SNTN: variants seen among roughly 807,000 people sequenced by gnomAD.
SNTN encodes the protein sentan, cilia apical structure protein, also known as sentan.
SNTN carries 13 observed loss-of-function variants against 12.3 expected under a neutral mutation model. The observed-to-expected ratio is 1.05, with a 90% CI of 0.69 to 1.67. SNTN has a LOEUF of 1.67. SNTN is among the 40% of genes most tolerant of loss of function. The probability of loss-of-function intolerance (pLI) is 0.00; values close to 1 mark genes in which losing one functional copy is unlikely to be tolerated. For missense variants in SNTN, 189 were observed against 169.8 expected (o/e 1.11, Z -0.63); for synonymous variants, 69 against 58.5 (o/e 1.18, Z -0.82).
chr3:63,663,523 G>A (rs1575752090), intron 3 of SNTN, among the ~76,000 whole-genome samples: 1 of 152,176 alleles, frequency 6.6e-6, no homozygotes, highest in Non-Finnish European at 1.5e-5. Flanking sequence ...CTTATGGGAG[G>A]TGTTTGAAGT....
intron 3 of SNTN, 123 bp downstream of exon 3, chr3:63,659,987 C>T (rs148298850): frequency 6.1e-6 from 7 of 1,152,662 alleles, no homozygotes; most frequent in Non-Finnish European, 8.7e-6. Flanking sequence ...TATTGAACAC[C>T]TACCTTATGC....
chr3:63,659,925 C>A, intron 3 of SNTN, 61 bp downstream of exon 3: 3 of 1,575,650 alleles, frequency 1.9e-6, no homozygotes, highest in Admixed American at 1.7e-5. Context: ...ACCCAATGAG[C>A]AAATAACTCC....
At chr3:63,653,602 A>G (rs1700644927) in intron 1 of SNTN, among the ~76,000 whole-genome samples, 3 of 152,208 alleles carry the variant, frequency 2.0e-5, no homozygotes, top group Admixed American at 1.3e-4. Context: ...GAGTTATCCA[A>G]GGTACTACCA....
intron 2 of SNTN, among the ~76,000 whole-genome samples, chr3:63,657,836 A>T (rs4688418): frequency 0.17 from 25,901 of 152,112 alleles, 2,256 homozygotes; most frequent in South Asian, 0.2. Flanking sequence ...TCTTTGCGAC[A>T]TCTTAGCAAT....
At position 63,664,169 on chromosome 3, in the gene SNTN, T is replaced by A; in HGVS notation, c.*74T>A. 7.3e-7 allele frequency: 1 copy of A among 1,367,848 alleles called. No individual in the cohort carries two copies. Among genetic ancestry groups the A allele is most frequent in the Non-Finnish European group, 9.8e-7 (1 of 1,016,288 alleles). The allele number at this position is 1,367,848 out of a possible 1,614,324, so 84.7% of individuals were successfully genotyped here. On this transcript the variant is annotated 3_prime_UTR_variant, in exon 4 of 4. Transcript: ENST00000343837. ...AAAATGTTTCCATCTTATTTTTGAT[T>A]AATTGAATATATCTATCATGCATCT...
intron 2 of SNTN, among the ~76,000 whole-genome samples, chr3:63,656,070 T>C (rs1466966252): frequency 6.6e-6 from 1 of 152,236 alleles, no homozygotes. Context: ...TTCTCTCCTG[T>C]AGGTCTTCAC....
chr3:63,658,261 T>A (rs1364525099), intron 2 of SNTN, among the ~76,000 whole-genome samples: 3 of 151,976 alleles, frequency 2.0e-5, no homozygotes, highest in African/African-American at 4.8e-5. Flanking sequence ...CTCCTCCTCA[T>A]CCTAGTAATC....
chr3:63,652,836 AAGC>A, intron 1 of SNTN, 39 bp downstream of exon 1: 1 of 1,571,508 alleles, frequency 6.4e-7, no homozygotes, highest in East Asian at 2.2e-5. Flanking sequence ...AGTTTCATTT[AAGC>A]TTGCAGATAT....
chr3:63,661,310 A>G (rs1282648379), intron 3 of SNTN, among the ~76,000 whole-genome samples: 1 of 152,206 alleles, frequency 6.6e-6, no homozygotes, highest in Non-Finnish European at 1.5e-5. Context: ...AAGCACATAG[A>G]GGCAGTCTCC....
chr3:63,659,917 C>G (rs978513118), intron 3 of SNTN, 53 bp downstream of exon 3: 2 of 1,597,942 alleles, frequency 1.3e-6, no homozygotes, highest in Non-Finnish European at 1.7e-6. Flanking sequence ...CATGGCTGAC[C>G]CAATGAGCAA....
At chr3:63,655,411 C>T (rs1477209621) in intron 2 of SNTN, among the ~76,000 whole-genome samples, 1 of 152,036 alleles carries the variant, frequency 6.6e-6, no homozygotes, top group East Asian at 1.9e-4. Context: ...CAGGTTTTTC[C>T]CTCCTAGATG....
chr3:63,662,181 C>T (rs148601132), intron 3 of SNTN, among the ~76,000 whole-genome samples: 7 of 152,270 alleles, frequency 4.6e-5, no homozygotes, highest in Admixed American at 6.5e-5. Context: ...TTGGCCCAAC[C>T]GCCCTGCCCC....
intron 2 of SNTN, among the ~76,000 whole-genome samples, chr3:63,658,010 C>T (rs767417258): frequency 6.6e-6 from 1 of 152,170 alleles, no homozygotes; most frequent in Non-Finnish European, 1.5e-5. Context: ...TTGATGCCTT[C>T]TCTTTCCACT....
At chr3:63,661,094 T>C (rs577445506) in intron 3 of SNTN, among the ~76,000 whole-genome samples, 20 of 152,266 alleles carry the variant, frequency 1.3e-4, no homozygotes, top group African/African-American at 4.8e-4. Flanking sequence ...TGGATTAGAG[T>C]AAAAAATAAT....
rs575020228 is a variant in SNTN at position 63,662,012 on chromosome 3, A to G, written c.286-1925A>G. Among the ~76,000 whole-genome samples the G allele has an allele frequency of 1.4e-4, 22 of 152,308 alleles. No individual in the cohort carries two copies. In the South Asian group the frequency reaches 4.4e-3, roughly 30 times the overall value. On this transcript the variant is annotated intron_variant, in intron 3 of 3. Coordinates refer to ENST00000343837, the MANE Select transcript of SNTN (RefSeq NM_001080537.2). Reference sequence around the variant, plus strand: ...TGTCTCTCAGTGTAGGCTAAACCCTAGAAGTACAGCCAATTTCTGGATCTC... The same window carrying G: ...TGTCTCTCAGTGTAGGCTAAACCCTGGAAGTACAGCCAATTTCTGGATCTC...
At chr3:63,653,271 A>G (rs1256083963) in intron 1 of SNTN, among the ~76,000 whole-genome samples, 2 of 152,138 alleles carry the variant, frequency 1.3e-5, no homozygotes, top group East Asian at 3.9e-4. Flanking sequence ...ATGGATATGA[A>G]CTGCATGATT....
chr3:63,657,414 GCAGA>G lies in SNTN; in HGVS notation c.146-2307_146-2304del, dbSNP rs530615132. Among the ~76,000 whole-genome samples the G allele has an allele frequency of 3.1e-3, 467 of 152,280 alleles. 1 individual carries two copies. The highest frequency in any genetic ancestry group is 6.8e-3 in the Middle Eastern group (2 of 294). The stretch of plus-strand genomic sequence containing the variant: ...ACATACTAGTTCCCAACTCTGCGAG[GCAGA>G]CAGTGAAGGAATTAAGAGGCAGCAT... On this transcript the variant is annotated intron_variant, in intron 2 of 3. Coordinates refer to ENST00000343837, the MANE Select transcript of SNTN (RefSeq NM_001080537.2).
chr3:63,654,450 C>A (rs1021065817), intron 1 of SNTN, among the ~76,000 whole-genome samples: 1 of 152,104 alleles, frequency 6.6e-6, no homozygotes, highest in Admixed American at 6.6e-5. Flanking sequence ...TGGGGAAAAG[C>A]ATGGAGGAGC....
chr3:63,659,894 G>A, intron 3 of SNTN, 30 bp downstream of exon 3: 1 of 1,612,982 alleles, frequency 6.2e-7, no homozygotes, highest in South Asian at 1.1e-5. Context: ...TAAAGAAACA[G>A]AAACTACACC....
Sources: gnomAD v4.1 joint callset for allele counts (sites outside exome capture counted in the v4.1 genomes callset) on GRCh38, gnomAD v4.1.1 for gene constraint, MANE v1.5 for transcripts, NCBI Gene and HGNC (gene_info 2026-07-23, HGNC 2026-07-21) for gene names.